Variants in GRM7 observed in about 807,000 individuals in gnomAD.
GRM7 encodes the protein metabotropic glutamate receptor 7.
A neutral mutation model predicts 84.5 loss-of-function variants in GRM7; 35 were observed. That is an observed-to-expected ratio of 0.41 (90% CI 0.32 to 0.55). The LOEUF (loss-of-function observed/expected upper bound fraction) is 0.55, where lower values mean the gene tolerates loss of function less well. Among genes scored for constraint, GRM7 ranks in the 20% least tolerant of loss-of-function variants. The pLI is 0.19. For synonymous variants in GRM7, 487 were observed against 455.1 expected, an observed-to-expected ratio of 1.07 and a Z score of -0.89; for missense variants, 1,003 against 1,194.6, an observed-to-expected ratio of 0.84 and a Z score of 2.36.
At chr3:7,316,937 C>T (rs1559230508) in intron 4 of GRM7, among the ~76,000 whole-genome samples, 1 of 152,094 alleles carries the variant, frequency 6.6e-6, no homozygotes, top group Non-Finnish European at 1.5e-5. Flanking sequence ...CTAGAATATT[C>T]TGTCATCACG....
intron 7 of GRM7, among the ~76,000 whole-genome samples, chr3:7,563,030 T>C (rs1694096260): frequency 6.6e-6 from 1 of 152,044 alleles, no homozygotes; most frequent in South Asian, 2.1e-4. Context: ...GAAAAAATAA[T>C]CAAAAGCCTT....
intron 7 of GRM7, among the ~76,000 whole-genome samples, chr3:7,537,034 A>G (rs1283807048): frequency 2.6e-5 from 4 of 152,156 alleles, no homozygotes; most frequent in African/African-American, 9.7e-5. Flanking sequence ...GAAAATCATC[A>G]GGAAAGGGGC....
intron 8 of GRM7, among the ~76,000 whole-genome samples, chr3:7,635,588 G>GTTGGGA (rs1698057788): frequency 6.6e-6 from 1 of 152,206 alleles, no homozygotes; most frequent in African/African-American, 2.4e-5. Flanking sequence ...TTCAGCCCTT[G>GTTGGGA]TTGGGAGTTG....
chr3:7,042,351 AG>A (rs1696655568), intron 1 of GRM7, among the ~76,000 whole-genome samples: 1 of 152,218 alleles, frequency 6.6e-6, no homozygotes. Flanking sequence ...TGGTGATCAC[AG>A]GGCACAGAAG....
intron 2 of GRM7, among the ~76,000 whole-genome samples, chr3:7,291,427 C>A (rs1699616088): frequency 6.7e-6 from 1 of 149,902 alleles, no homozygotes; most frequent in African/African-American, 2.5e-5. Context: ...CTAGTGGTGC[C>A]AAGAGGACAG....
chr3:7,620,727 C>T (rs779586812), intron 8 of GRM7, among the ~76,000 whole-genome samples: 49 of 152,080 alleles, frequency 3.2e-4, no homozygotes, highest in Non-Finnish European at 6.8e-4. Context: ...TTATAGAGTA[C>T]AGAAATTGCT....
chr3:7,712,091 G>A (rs1375237966), intron 9 of GRM7, among the ~76,000 whole-genome samples: 1 of 152,122 alleles, frequency 6.6e-6, no homozygotes. Flanking sequence ...TCCTTAGCGG[G>A]GCATGCCTTC....
intron 1 of GRM7, among the ~76,000 whole-genome samples, chr3:6,998,261 T>C (rs2124871371): frequency 6.6e-6 from 1 of 151,826 alleles, no homozygotes; most frequent in Middle Eastern, 3.4e-3. Context: ...GGAAATCCAA[T>C]AGGGCAGTAA....
intron 1 of GRM7, among the ~76,000 whole-genome samples, chr3:7,066,407 T>C (rs1042560474): frequency 6.6e-6 from 1 of 151,840 alleles, no homozygotes; most frequent in African/African-American, 2.4e-5. Flanking sequence ...TTTATGCACA[T>C]AAACTAGAAA....
chr3:7,562,685 G>C (rs992335424), intron 7 of GRM7, among the ~76,000 whole-genome samples: 57 of 152,046 alleles, frequency 3.7e-4, no homozygotes, highest in African/African-American at 1.3e-3. Context: ...AATGTTGAGA[G>C]ATAGATATTA....
intron 1 of GRM7, among the ~76,000 whole-genome samples, chr3:7,052,720 G>GTTTTTTTTTTTTT (rs372132445): frequency 3.4e-4 from 35 of 101,510 alleles, no homozygotes; most frequent in East Asian, 8.8e-4. Context: ...AGTATCGGTA[G>GTTTTTTTTTTTTT]TTTTTTTTTT....
intron 2 of GRM7, among the ~76,000 whole-genome samples, chr3:7,227,730 C>G (rs1351200713): frequency 6.6e-6 from 1 of 152,102 alleles, no homozygotes; most frequent in Non-Finnish European, 1.5e-5. Flanking sequence ...AGCATTATCT[C>G]CACATGTTGG....
intron 2 of GRM7, among the ~76,000 whole-genome samples, chr3:7,257,654 TA>T (rs1414686083): frequency 6.6e-6 from 1 of 152,216 alleles, no homozygotes; most frequent in Non-Finnish European, 1.5e-5. Context: ...CGGTAGCAAG[TA>T]AATTTTATTT....
At chr3:7,224,965 T>C (rs1186620112) in intron 2 of GRM7, among the ~76,000 whole-genome samples, 1 of 152,318 alleles carries the variant, frequency 6.6e-6, no homozygotes, top group East Asian at 1.9e-4. Flanking sequence ...ATATTTTTGA[T>C]AGTAAGAATT....
At chr3:7,590,726 CT>C (rs1559424397) in intron 8 of GRM7, among the ~76,000 whole-genome samples, 1 of 152,112 alleles carries the variant, frequency 6.6e-6, no homozygotes, top group Non-Finnish European at 1.5e-5. Flanking sequence ...ATGCTGTGTT[CT>C]TCTCACCACT....
intron 4 of GRM7, among the ~76,000 whole-genome samples, chr3:7,410,251 ATCT>A (rs773772251): frequency 2.0e-5 from 3 of 152,088 alleles, no homozygotes; most frequent in Non-Finnish European, 4.4e-5. Context: ...TTCAAGTAAA[ATCT>A]TCTGGCTTTG....
At chr3:7,435,751 G>A (rs182776008) in intron 5 of GRM7, among the ~76,000 whole-genome samples, 32 of 138,662 alleles carry the variant, frequency 2.3e-4, no homozygotes, top group African/African-American at 7.8e-4. Context: ...GCAGTGGCAC[G>A]ATCTTGGCTC....
At chr3:7,330,216 G>T (rs998090160) in intron 4 of GRM7, among the ~76,000 whole-genome samples, 4 of 152,110 alleles carry the variant, frequency 2.6e-5, no homozygotes, top group African/African-American at 9.7e-5. Context: ...GCATCATCTT[G>T]ATATGTTAGC....
intron 8 of GRM7, among the ~76,000 whole-genome samples, chr3:7,613,398 A>T (rs937824880): frequency 2.0e-5 from 3 of 152,192 alleles, no homozygotes; most frequent in Admixed American, 6.5e-5. Context: ...AACATTTGTA[A>T]AGGCGGCTAG....
Sources: gnomAD v4.1 joint callset for allele counts (sites outside exome capture counted in the v4.1 genomes callset) on GRCh38, gnomAD v4.1.1 for gene constraint, MANE v1.5 for transcripts, NCBI Gene and HGNC (gene_info 2026-07-23, HGNC 2026-07-21) for gene names.